ZCWPW2: variants seen among roughly 807,000 people sequenced by gnomAD.
ZCWPW2 encodes the protein zinc finger CW-type and PWWP domain containing 2.
A neutral mutation model predicts 46.6 loss-of-function variants in ZCWPW2; 45 were observed. The ratio of observed to expected loss-of-function variants is 0.96; its 90% CI spans 0.76 to 1.24. The LOEUF is 1.24. Among genes scored for constraint, ZCWPW2 ranks in the 50% most tolerant of loss-of-function variants. The pLI is 0.00. For synonymous variants in ZCWPW2, 152 were observed against 137.1 expected, an observed-to-expected ratio of 1.11 and a Z score of -0.76; for missense variants, 429 against 403.9, an observed-to-expected ratio of 1.06 and a Z score of -0.53.
intron 3 of ZCWPW2, among the ~76,000 whole-genome samples, chr3:28,428,834 A>G (rs755967587): frequency 2.0e-5 from 3 of 152,078 alleles, no homozygotes; most frequent in Non-Finnish European, 4.4e-5. Flanking sequence ...TCCTGCTGTC[A>G]TGTGAAGAAG....
intron 3 of ZCWPW2, among the ~76,000 whole-genome samples, chr3:28,421,262 T>C (rs2125747785): frequency 6.6e-6 from 1 of 152,254 alleles, no homozygotes; most frequent in South Asian, 2.1e-4. Context: ...CTTTTTATTG[T>C]TGCCAGGTGA....
At chr3:28,404,670 A>G (rs545408772) in intron 2 of ZCWPW2, among the ~76,000 whole-genome samples, 1 of 152,062 alleles carries the variant, frequency 6.6e-6, no homozygotes, top group Admixed American at 6.5e-5. Flanking sequence ...AGAAACAGTG[A>G]TATATATATA....
chr3:28,383,543 C>G (rs1338850407), intron 1 of ZCWPW2, among the ~76,000 whole-genome samples: 3 of 151,444 alleles, frequency 2.0e-5, no homozygotes. Flanking sequence ...GTGTGTTTAA[C>G]CTATTAGGGT....
chr3:28,429,705 C>T (rs1219722099), intron 3 of ZCWPW2, among the ~76,000 whole-genome samples: 2 of 152,134 alleles, frequency 1.3e-5, no homozygotes, highest in Admixed American at 6.5e-5. Context: ...AATGGTTTCA[C>T]GGGCCGGGCC....
At chr3:28,512,822 A>G (rs936849011) in intron 6 of ZCWPW2, among the ~76,000 whole-genome samples, 2 of 152,036 alleles carry the variant, frequency 1.3e-5, no homozygotes, top group Admixed American at 1.3e-4. Flanking sequence ...TGGCTCATAG[A>G]TATCATAGAA....
At chr3:28,484,291 C>A (rs1261607857) in intron 5 of ZCWPW2, among the ~76,000 whole-genome samples, 1 of 151,964 alleles carries the variant, frequency 6.6e-6, no homozygotes, top group Non-Finnish European at 1.5e-5. Flanking sequence ...AACTACCTTG[C>A]ATTGAATGAG....
At chr3:28,433,532 C>A (rs994620832) in intron 3 of ZCWPW2, among the ~76,000 whole-genome samples, 4 of 152,052 alleles carry the variant, frequency 2.6e-5, no homozygotes, top group African/African-American at 9.7e-5. Flanking sequence ...TCTGGGAGGC[C>A]AAGGCGGGCG....
intron 1 of ZCWPW2, among the ~76,000 whole-genome samples, chr3:28,360,349 CAAAAAAA>C (rs71087692): frequency 0.022 from 1,165 of 53,932 alleles, 10 homozygotes; most frequent in Middle Eastern, 0.074. Flanking sequence ...ACTAAAAATA[CAAAAAAA>C]AAAAAAAAAA....
chr3:28,511,741 TTG>T (rs1700431066), intron 6 of ZCWPW2, among the ~76,000 whole-genome samples: 1 of 152,098 alleles, frequency 6.6e-6, no homozygotes, highest in African/African-American at 2.4e-5. Flanking sequence ...CATTACCAAT[TTG>T]TCTTTTTTTA....
chr3:28,515,667 A>G, intron 8 of ZCWPW2, 46 bp downstream of exon 8: 1 of 1,513,286 alleles, frequency 6.6e-7, no homozygotes. Context: ...CCTATATATA[A>G]TTCCACAGAA....
At chr3:28,483,101 A>T (rs1411871031) in intron 5 of ZCWPW2, among the ~76,000 whole-genome samples, 1 of 151,998 alleles carries the variant, frequency 6.6e-6, no homozygotes, top group East Asian at 1.9e-4. Context: ...TTTCTCTTTT[A>T]TCTTCTAGGA....
intron 3 of ZCWPW2, among the ~76,000 whole-genome samples, chr3:28,423,613 A>G (rs1696886938): frequency 1.3e-5 from 2 of 150,642 alleles, no homozygotes; most frequent in African/African-American, 2.4e-5. Flanking sequence ...TGATCCTCCC[A>G]CCTCGGCCTC....
intron 2 of ZCWPW2, among the ~76,000 whole-genome samples, chr3:28,410,277 C>T (rs1696349066): frequency 6.6e-6 from 1 of 151,876 alleles, no homozygotes; most frequent in African/African-American, 2.4e-5. Context: ...TAACATAGCC[C>T]TTTAAGTAAT....
Position 28,447,785 on chromosome 3 carries a change from A to G in ZCWPW2, c.492+12516A>G. On this transcript the variant is annotated intron_variant, in intron 4 of 9. Transcript: ENST00000383768. ...CTACAATACAACCACTAATAAAACTAGGCTTTCCTGAACCCCTGGCAATAG... is the reference window on the plus strand; with the variant it reads ...CTACAATACAACCACTAATAAAACTGGGCTTTCCTGAACCCCTGGCAATAG... The G allele has an allele frequency of 5.2e-6, 4 of 774,402 alleles. 1 individual carries two copies. The highest frequency in any genetic ancestry group is 4.0e-5 in the South Asian group (3 of 74,902). The allele number at this position is 774,402 out of a possible 1,614,324, so 48.0% of individuals were successfully genotyped here.
At chr3:28,495,518 C>T (rs1356541038) in intron 6 of ZCWPW2, among the ~76,000 whole-genome samples, 1 of 152,088 alleles carries the variant, frequency 6.6e-6, no homozygotes, top group Non-Finnish European at 1.5e-5. Context: ...GTGCCATGGG[C>T]CAGATCTGAC....
chr3:28,475,092 A>T (rs1055179429), intron 4 of ZCWPW2, among the ~76,000 whole-genome samples: 1 of 151,878 alleles, frequency 6.6e-6, no homozygotes. Flanking sequence ...AACCTGTCCA[A>T]CTCGGCCTCC....
intron 4 of ZCWPW2, among the ~76,000 whole-genome samples, chr3:28,466,700 C>G (rs923374747): frequency 1.3e-5 from 2 of 151,990 alleles, no homozygotes; most frequent in Non-Finnish European, 2.9e-5. Flanking sequence ...TCGGAAGGCT[C>G]AGGCACGAAA....
intron 2 of ZCWPW2, among the ~76,000 whole-genome samples, chr3:28,395,765 G>A (rs1484577099): frequency 2.6e-5 from 4 of 152,238 alleles, no homozygotes; most frequent in South Asian, 4.1e-4. Context: ...AAAATAGGGA[G>A]ATGTTGATCA....
At chr3:28,392,955 A>G (rs1165674951) in intron 2 of ZCWPW2, among the ~76,000 whole-genome samples, 2 of 152,038 alleles carry the variant, frequency 1.3e-5, no homozygotes, top group African/African-American at 4.8e-5. Flanking sequence ...GTGCAGAAAA[A>G]AAAATAGAGA....
Sources: allele counts gnomAD v4.1 joint callset (sites outside exome capture counted in the v4.1 genomes callset), GRCh38; gene constraint gnomAD v4.1.1; transcripts MANE v1.5; gene names NCBI Gene and HGNC (gene_info 2026-07-23, HGNC 2026-07-21).